The following PXDNL variants were observed in gnomAD, a reference collection of about 807,000 sequenced individuals.
The protein encoded by PXDNL is peroxidasin like.
In PXDNL, 145 loss-of-function variants were observed where a neutral mutation model predicts 150.8. That is an observed-to-expected ratio of 0.96 (90% CI 0.84 to 1.10). The LOEUF (loss-of-function observed/expected upper bound fraction) is 1.10. Ranked by LOEUF, PXDNL falls within the 50% of genes least tolerant of loss-of-function variation. The pLI is 0.00. For synonymous variants in PXDNL, 757 were observed against 725.7 expected, an observed-to-expected ratio of 1.04 and a Z score of -0.69; for missense variants, 2,087 against 1,873.9, an observed-to-expected ratio of 1.11 and a Z score of -2.10.
At chr8:51,797,418 G>C (rs2037572773) in intron 1 of PXDNL, among the ~76,000 whole-genome samples, 1 of 152,220 alleles carries the variant, frequency 6.6e-6, no homozygotes, top group African/African-American at 2.4e-5. Context: ...CCGATATCTA[G>C]AAAACCCCAT....
intron 12 of PXDNL, among the ~76,000 whole-genome samples, chr8:51,427,772 G>T (rs1437576889): frequency 3.3e-5 from 5 of 152,100 alleles, no homozygotes; most frequent in Admixed American, 2.0e-4. Context: ...ATATACAAAA[G>T]CCCTAGAGTA....
chr8:51,553,576 T>C (rs4449780), intron 4 of PXDNL, among the ~76,000 whole-genome samples: 44,737 of 151,776 alleles, frequency 0.29, 8,207 homozygotes, highest in African/African-American at 0.51. Flanking sequence ...TATATGCGCA[T>C]TGAAAACATG....
At chr8:51,716,989 C>A (rs182173505) in intron 1 of PXDNL, among the ~76,000 whole-genome samples, 20 of 152,258 alleles carry the variant, frequency 1.3e-4, no homozygotes, top group Admixed American at 9.2e-4. Context: ...CCTAATCAGA[C>A]CCAAACAGAT....
chr8:51,551,507 C>T (rs1036624443), intron 4 of PXDNL, among the ~76,000 whole-genome samples: 1 of 152,064 alleles, frequency 6.6e-6, no homozygotes, highest in African/African-American at 2.4e-5. Flanking sequence ...AAATAGAGAA[C>T]TCAGAAATAA....
At chr8:51,608,050 A>AAGCAAGC (rs1563481754) in intron 2 of PXDNL, among the ~76,000 whole-genome samples, 9 of 124,576 alleles carry the variant, frequency 7.2e-5, no homozygotes, top group African/African-American at 3.1e-4. Flanking sequence ...AGAAAGAAAG[A>AAGCAAGC]AAGAAAGCAA....
intron 4 of PXDNL, among the ~76,000 whole-genome samples, chr8:51,510,364 T>C (rs1401184388): frequency 3.9e-5 from 6 of 152,174 alleles, no homozygotes; most frequent in Admixed American, 3.3e-4. Context: ...TCTGGAAAAA[T>C]TGAATTATTT....
At chr8:51,523,612 T>G (rs1226367501) in intron 4 of PXDNL, among the ~76,000 whole-genome samples, 1 of 152,210 alleles carries the variant, frequency 6.6e-6, no homozygotes, top group African/African-American at 2.4e-5. Context: ...CCTTCCAGCA[T>G]GATATGAAAA....
At chr8:51,563,445 C>G (rs1812756641) in intron 3 of PXDNL, among the ~76,000 whole-genome samples, 1 of 151,968 alleles carries the variant, frequency 6.6e-6, no homozygotes, top group African/African-American at 2.4e-5. Flanking sequence ...CAATTACCTG[C>G]TGAAGGCTCC....
At chr8:51,647,329 A>C (rs1814941060) in intron 2 of PXDNL, among the ~76,000 whole-genome samples, 1 of 152,128 alleles carries the variant, frequency 6.6e-6, no homozygotes, top group African/African-American at 2.4e-5. Flanking sequence ...AAATACCGAC[A>C]CATGACAAGA....
At chr8:51,676,283 C>CT (rs553279148) in intron 1 of PXDNL, among the ~76,000 whole-genome samples, 4,682 of 147,026 alleles carry the variant, frequency 0.032, 238 homozygotes, top group African/African-American at 0.11. Context: ...GATGTATTCA[C>CT]TTTTTTTTTT....
At chr8:51,597,138 C>T (rs1378970454) in intron 2 of PXDNL, among the ~76,000 whole-genome samples, 2 of 152,192 alleles carry the variant, frequency 1.3e-5, no homozygotes, top group African/African-American at 4.8e-5. Flanking sequence ...GCCAGCTATT[C>T]TAGCACCATT....
intron 4 of PXDNL, among the ~76,000 whole-genome samples, chr8:51,502,265 G>A (rs528068465): frequency 5.9e-5 from 9 of 152,278 alleles, no homozygotes; most frequent in East Asian, 1.9e-4. Context: ...AGTGGGGGGC[G>A]GCCGTGCACA....
At chr8:51,446,967 A>C (rs1164559306) in intron 12 of PXDNL, 37 bp downstream of exon 12, 4 of 1,605,480 alleles carry the variant, frequency 2.5e-6, no homozygotes, top group Non-Finnish European at 3.4e-6. Flanking sequence ...CAGAAGGCAC[A>C]CTTCAGAATG....
intron 2 of PXDNL, among the ~76,000 whole-genome samples, chr8:51,621,318 G>C (rs1441520778): frequency 6.6e-6 from 1 of 152,084 alleles, no homozygotes; most frequent in Non-Finnish European, 1.5e-5. Flanking sequence ...GATAACAACA[G>C]TTGGTATTCT....
At chr8:51,525,706 CT>C (rs1811756825) in intron 4 of PXDNL, among the ~76,000 whole-genome samples, 1 of 152,178 alleles carries the variant, frequency 6.6e-6, no homozygotes, top group African/African-American at 2.4e-5. Flanking sequence ...TTCTGGCAGC[CT>C]GTCTGTCCTC....
intron 1 of PXDNL, among the ~76,000 whole-genome samples, chr8:51,804,709 G>A (rs568751613): frequency 6.6e-6 from 1 of 152,126 alleles, no homozygotes; most frequent in East Asian, 1.9e-4. Context: ...TCTACAGTAG[G>A]GTTGAAAGGC....
chr8:51,638,178 C>A (rs1370214604), intron 2 of PXDNL, among the ~76,000 whole-genome samples: 3 of 152,088 alleles, frequency 2.0e-5, no homozygotes, highest in Non-Finnish European at 4.4e-5. Flanking sequence ...CCAGGCCTGC[C>A]CTAAAAGAGC....
intron 17 of PXDNL, among the ~76,000 whole-genome samples, chr8:51,388,215 T>C (rs1807781716): frequency 6.6e-6 from 1 of 152,170 alleles, no homozygotes; most frequent in Non-Finnish European, 1.5e-5. Flanking sequence ...TTTCTTATTA[T>C]TCGAAGACCA....
chr8:51,649,736 G>A (rs1161435002), intron 2 of PXDNL, among the ~76,000 whole-genome samples: 2 of 150,766 alleles, frequency 1.3e-5, no homozygotes, highest in Non-Finnish European at 3.0e-5. Flanking sequence ...TTTTATTTTT[G>A]ATTAAACATT....
Sources: gnomAD v4.1 joint callset for allele counts (sites outside exome capture counted in the v4.1 genomes callset) on GRCh38, gnomAD v4.1.1 for gene constraint, MANE v1.5 for transcripts, NCBI Gene and HGNC (gene_info 2026-07-23, HGNC 2026-07-21) for gene names.